The following ERP44 variants were observed in gnomAD, a reference collection of about 807,000 sequenced individuals.
The protein encoded by ERP44 is endoplasmic reticulum resident protein 44.
In ERP44, 25 loss-of-function variants were observed where a neutral mutation model predicts 53.4. The observed-to-expected ratio is 0.47, with a 90% CI of 0.34 to 0.65. ERP44 has a LOEUF of 0.65. ERP44 is among the 30% of genes least tolerant of loss of function. The probability of loss-of-function intolerance (pLI) is 0.01; values close to 1 mark genes in which losing one functional copy is unlikely to be tolerated. For synonymous variants in ERP44, 145 were observed against 161.2 expected (o/e 0.90, Z 0.76); for missense variants, 338 against 493.2 (o/e 0.69, Z 2.98).
At chr9:100,021,441 A>T (rs147407274) in intron 5 of ERP44, among the ~76,000 whole-genome samples, 325 of 152,320 alleles carry the variant, frequency 2.1e-3, no homozygotes, top group African/African-American at 7.2e-3. Context: ...CTGACCCAGC[A>T]GTCTTGTGTC....
intron 1 of ERP44, among the ~76,000 whole-genome samples, chr9:100,061,880 G>A (rs1040736683): frequency 6.6e-6 from 1 of 152,060 alleles, no homozygotes; most frequent in Admixed American, 6.5e-5. Context: ...TATTGATGGG[G>A]TTTAGAACAC....
chr9:100,006,447 T>C (rs768158815), intron 10 of ERP44, 59 bp downstream of exon 10: 125 of 1,253,844 alleles, frequency 1.0e-4, no homozygotes, highest in Middle Eastern at 5.4e-4. Flanking sequence ...AAACAACTAT[T>C]TTCAGTTCAT....
At chr9:100,077,718 C>T (rs1387616154) in intron 1 of ERP44, among the ~76,000 whole-genome samples, 1 of 152,174 alleles carries the variant, frequency 6.6e-6, no homozygotes, top group African/African-American at 2.4e-5. Flanking sequence ...ATCTTTAAGC[C>T]AACAGGCTAA....
intron 1 of ERP44, among the ~76,000 whole-genome samples, chr9:100,067,142 CCGCTCTCGCTCTCGCTCTCCCTCT>C (rs905947827): frequency 6.6e-6 from 1 of 151,976 alleles, no homozygotes; most frequent in African/African-American, 2.4e-5. Context: ...AACCAAACAA[CCGCTCTCGCTCTCGCTCTCCCTCT>C]CGCTCTCCCT....
intron 1 of ERP44, among the ~76,000 whole-genome samples, chr9:100,068,337 G>A (rs1201574798): frequency 2.4e-4 from 31 of 127,610 alleles, no homozygotes; most frequent in South Asian, 1.0e-3. Flanking sequence ...GAGGTGGGGG[G>A]GTCAGCCCCC....
intron 4 of ERP44, among the ~76,000 whole-genome samples, chr9:100,041,538 C>G (rs1049167902): frequency 1.3e-5 from 2 of 151,994 alleles, no homozygotes; most frequent in Non-Finnish European, 2.9e-5. Context: ...TATGGTGGCA[C>G]GTGCCTGTAG....
At chr9:99,993,204 T>C (rs998616378) in intron 10 of ERP44, among the ~76,000 whole-genome samples, 1 of 152,114 alleles carries the variant, frequency 6.6e-6, no homozygotes. Context: ...CCATTGCCAA[T>C]TCAATCCTAA....
intron 6 of ERP44, 74 bp from the exon 7 acceptor site, chr9:100,018,387 T>C (rs1830547984): frequency 1.2e-6 from 1 of 853,166 alleles, no homozygotes; most frequent in African/African-American, 1.7e-5. Flanking sequence ...ACTTGAAATA[T>C]ATACTTATCC....
chr9:100,028,397 C>A (rs10988948), intron 4 of ERP44, among the ~76,000 whole-genome samples: 41 of 152,168 alleles, frequency 2.7e-4, no homozygotes, highest in African/African-American at 9.4e-4. Context: ...TAATGAATTA[C>A]GCTCCTGAAT....
intron 4 of ERP44, among the ~76,000 whole-genome samples, chr9:100,028,370 A>G (rs1158934201): frequency 1.3e-5 from 2 of 152,230 alleles, no homozygotes; most frequent in Admixed American, 1.3e-4. Flanking sequence ...GGCAGCAAGC[A>G]TGACCACCAA....
At chr9:100,068,864 G>T (rs1826267464) in intron 1 of ERP44, among the ~76,000 whole-genome samples, 1 of 152,240 alleles carries the variant, frequency 6.6e-6, no homozygotes, top group South Asian at 2.1e-4. Context: ...GAAAGGTGGG[G>T]AAAAGATTGA....
chr9:100,014,563 A>G (rs1291674405), intron 8 of ERP44, among the ~76,000 whole-genome samples: 1 of 152,250 alleles, frequency 6.6e-6, no homozygotes, highest in African/African-American at 2.4e-5. Context: ...TGCTGGGATT[A>G]CAGGCGTGAG....
At chr9:99,998,289 G>A (rs1014376524) in intron 10 of ERP44, 2 of 409,978 alleles carry the variant, frequency 4.9e-6, no homozygotes, top group Non-Finnish European at 9.3e-6. Context: ...GAGGGCTGGT[G>A]CACGCAGTGA....
chr9:100,094,519 A>T (rs1262221550), intron 1 of ERP44, among the ~76,000 whole-genome samples: 3 of 152,068 alleles, frequency 2.0e-5, no homozygotes, highest in African/African-American at 7.2e-5. Context: ...TTAGCCAGGC[A>T]CAGTGGCAAG....
chr9:100,064,791 G>A (rs182882315), intron 1 of ERP44, among the ~76,000 whole-genome samples: 65 of 150,680 alleles, frequency 4.3e-4, no homozygotes, highest in African/African-American at 1.4e-3. Flanking sequence ...GCTAATGTGT[G>A]TATTTTTGTC....
intron 4 of ERP44, among the ~76,000 whole-genome samples, chr9:100,022,902 C>T (rs1830609106): frequency 6.6e-6 from 1 of 152,126 alleles, no homozygotes; most frequent in South Asian, 2.1e-4. Context: ...GATTATATAG[C>T]ACTTTGGCAA....
intron 1 of ERP44, among the ~76,000 whole-genome samples, chr9:100,097,453 A>G (rs1053973468): frequency 1.3e-5 from 2 of 152,170 alleles, no homozygotes; most frequent in Non-Finnish European, 2.9e-5. Context: ...GTGGTCTCTA[A>G]TAATGGTATT....
chr9:100,018,403 C>T, intron 6 of ERP44, 90 bp from the exon 7 acceptor site: 1 of 795,702 alleles, frequency 1.3e-6, no homozygotes, highest in Non-Finnish European at 2.3e-6. Flanking sequence ...TATCCATCAT[C>T]TTCCCTATTA....
intron 2 of ERP44, 139 bp from the exon 3 acceptor site, chr9:100,057,998 C>A (rs895949175): frequency 1.9e-5 from 12 of 646,940 alleles, no homozygotes; most frequent in Non-Finnish European, 3.2e-5. Context: ...ACTCAGAAAC[C>A]TAGAGTCATG....
Sources: allele counts gnomAD v4.1 joint callset (sites outside exome capture counted in the v4.1 genomes callset), GRCh38; gene constraint gnomAD v4.1.1; transcripts MANE v1.5; gene names NCBI Gene and HGNC (gene_info 2026-07-23, HGNC 2026-07-21).